PPARA: variants seen among roughly 807,000 people sequenced by gnomAD.
PPARA encodes the protein peroxisome proliferator activated receptor alpha, also known as peroxisome proliferator-activated receptor alpha.
Under a neutral mutation model 42.2 loss-of-function variants are expected in PPARA, and 22 were observed. The observed-to-expected ratio is 0.52, with a 90% confidence interval of 0.37 to 0.74. The LOEUF is 0.74. PPARA is among the 30% of genes least tolerant of loss of function. The pLI, the probability that PPARA is intolerant of heterozygous loss-of-function variation, is 0.00. For synonymous variants in PPARA, 242 were observed against 239.3 expected (o/e 1.01, Z -0.10); for missense variants, 465 against 608.2 (o/e 0.76, Z 2.48).
chr22:46,208,958 G>A (rs5767634), intron 4 of PPARA, among the ~76,000 whole-genome samples: 37,417 of 151,242 alleles, frequency 0.25, 4,663 homozygotes, highest in Middle Eastern at 0.31. Flanking sequence ...TTATCTCTTC[G>A]TTCATTAATG....
rs549946014 is a variant in PPARA at position 46,200,673 on chromosome 22, T to C, written c.208+2082T>C. ...GCTCACGCCTGTAATCCCAACACTT[T>C]GGGAGGCTGAGGCAGGCGGATCACC... On this transcript the variant is annotated intron_variant, in intron 4 of 8. Transcript: ENST00000407236. The surrounding 1 kb of genome is among the most constrained non-coding windows in gnomAD (Gnocchi z 4.8). Among the ~76,000 whole-genome samples the C allele has an allele frequency of 4.6e-5, 7 of 152,362 alleles. No homozygotes were observed. The highest frequency in any genetic ancestry group is 1.4e-4 in the African/African-American group (6 of 41,594).
In PPARA at chr22:46,180,005, G is replaced by A. The variant is rs1282498993; in HGVS notation, c.-43+3169G>A. Among the ~76,000 whole-genome samples, 1 of 152,190 alleles carries A rather than the reference G, an allele frequency of 6.6e-6. No homozygotes were observed. Among genetic ancestry groups the A allele is most frequent in the African/African-American group, 2.4e-5 (1 of 41,456 alleles). ...CAGAGCAATGCAGATGAAACCTACA[G>A]TCCCCATGCTAATGTTCTACAACTT... On this transcript the variant is annotated intron_variant, in intron 3 of 8. Transcript: ENST00000407236. This position sits in a 1 kb window ranked among gnomAD's most constrained non-coding sequence, Gnocchi z 4.2.
At chr22:46,209,587 A>T (rs1933723343) in intron 4 of PPARA, among the ~76,000 whole-genome samples, 1 of 152,040 alleles carries the variant, frequency 6.6e-6, no homozygotes, top group Non-Finnish European at 1.5e-5. Flanking sequence ...GCAATATCTA[A>T]TCTGCTCCTA....
At chr22:46,207,614 CCTA>C (rs1410100414) in intron 4 of PPARA, among the ~76,000 whole-genome samples, 2 of 138,408 alleles carry the variant, frequency 1.4e-5, no homozygotes, top group African/African-American at 2.6e-5. Flanking sequence ...TTAAGATGTT[CCTA>C]CTATCTTCTT....
chr22:46,226,946 G>A (rs1011832406), intron 7 of PPARA, among the ~76,000 whole-genome samples: 5 of 152,114 alleles, frequency 3.3e-5, no homozygotes, highest in African/African-American at 1.2e-4. Flanking sequence ...TTTAAGACCA[G>A]TTTTGAAAGA....
chr22:46,201,165 A>G (rs1185378268), intron 4 of PPARA, among the ~76,000 whole-genome samples: 3 of 151,008 alleles, frequency 2.0e-5, no homozygotes, highest in African/African-American at 2.4e-5. Flanking sequence ...GCCACGGTTC[A>G]TACAGCCAGA....
At position 46,235,019 on chromosome 22, in the gene PPARA, T is replaced by G. The variant is rs1209679329; in HGVS notation, c.1160-114T>G. On this transcript the variant is annotated intron_variant, in intron 8 of 8. Transcript: ENST00000407236. This position sits in a 1 kb window ranked among gnomAD's most constrained non-coding sequence, Gnocchi z 7.0. The stretch of plus-strand genomic sequence containing the variant: ...CAAGTTGACAATATCTAAAGGCAGC[T>G]CAGTTTTTTTCTAAGAAAGGCCACA... 1 of 1,438,382 alleles carries G rather than the reference T, an allele frequency of 7.0e-7. No homozygotes were observed. Among genetic ancestry groups the G allele is most frequent in the Non-Finnish European group, 9.7e-7 (1 of 1,025,676 alleles). The allele number at this position is 1,438,382 out of a possible 1,614,324, so 89.1% of individuals were successfully genotyped here.
rs1249243557 is a variant in PPARA, at chr22:46,183,419, A to G, written c.-43+6583A>G. ...TCTACTCAACACAGATAAACTGGGAAAGAAAAATAACTTGTGAGTAATTCA... is the reference window on the plus strand; with the variant it reads ...TCTACTCAACACAGATAAACTGGGAGAGAAAAATAACTTGTGAGTAATTCA... On this transcript the variant is annotated intron_variant, in intron 3 of 8. Transcript: ENST00000407236. The surrounding 1 kb of genome is among the most constrained non-coding windows in gnomAD (Gnocchi z 5.5). Among the ~76,000 whole-genome samples, 1 of 152,254 alleles carries G rather than the reference A, an allele frequency of 6.6e-6. No homozygotes were observed. Among genetic ancestry groups the G allele is most frequent in the African/African-American group, 2.4e-5 (1 of 41,474 alleles).
At chr22:46,205,079 G>C (rs745609004) in intron 4 of PPARA, among the ~76,000 whole-genome samples, 2 of 151,702 alleles carry the variant, frequency 1.3e-5, no homozygotes, top group Admixed American at 1.3e-4. Context: ...GCCAGGGGTG[G>C]TCTTGAACTC....
At chr22:46,151,541 T>C (rs1020423075) in intron 1 of PPARA, among the ~76,000 whole-genome samples, 2 of 152,246 alleles carry the variant, frequency 1.3e-5, no homozygotes, top group East Asian at 3.9e-4. Context: ...TTTTAAAAGT[T>C]AAAAGAGAGG....
intron 7 of PPARA, among the ~76,000 whole-genome samples, chr22:46,229,106 C>CAA (rs533415499): frequency 7.7e-6 from 1 of 129,480 alleles, no homozygotes; most frequent in Non-Finnish European, 1.7e-5. Flanking sequence ...GACTCCATCT[C>CAA]AAAAAAAAAA....
chr22:46,223,531 T>C (rs985634684), intron 7 of PPARA, among the ~76,000 whole-genome samples: 2 of 150,712 alleles, frequency 1.3e-5, no homozygotes, highest in Non-Finnish European at 2.9e-5. Flanking sequence ...TAATCCCAAC[T>C]ACCCAGGAGG....
At position 46,167,781 on chromosome 22, in the gene PPARA, A is replaced by G. The variant is rs1172055770; in HGVS notation, c.-126-8972A>G. The stretch of plus-strand genomic sequence containing the variant: ...AACTAGGCCAGGTATGCTGGCTTAC[A>G]CCTGTCATTCCAATGCTTTGGGGGA... On this transcript the variant is annotated intron_variant, in intron 2 of 8. Coordinates refer to ENST00000407236, the MANE Select transcript of PPARA (RefSeq NM_005036.6). The surrounding 1 kb of genome is among the most constrained non-coding windows in gnomAD (Gnocchi z 4.1). 6.6e-6 allele frequency among the ~76,000 whole-genome samples: 1 copy of G among 152,106 alleles called. No homozygotes were observed. The highest frequency in any genetic ancestry group is 1.5e-5 in the Non-Finnish European group (1 of 68,020).
In PPARA at chr22:46,242,400, T is replaced by C. The variant is rs915418250; in HGVS notation, c.*7020T>C. 2.0e-5 allele frequency: 3 copies of C among 152,678 alleles called. No individual in the cohort carries two copies. Among genetic ancestry groups the C allele is most frequent in the Non-Finnish European group, 2.9e-5 (2 of 68,042 alleles). The allele number at this position is 152,678 out of a possible 1,614,324, so 9.5% of individuals were successfully genotyped here. On this transcript the variant is annotated 3_prime_UTR_variant, in exon 9 of 9. Transcript: ENST00000407236. The surrounding 1 kb of genome is among the most constrained non-coding windows in gnomAD (Gnocchi z 6.1). ...TTTTTAAGGCACAGTCAGTTCCTTT[T>C]CTCATGTACCTCACAAAAGATGAAG...
At chr22:46,228,162 G>T (rs1002730434) in intron 7 of PPARA, among the ~76,000 whole-genome samples, 1 of 152,200 alleles carries the variant, frequency 6.6e-6, no homozygotes, top group Non-Finnish European at 1.5e-5. Context: ...GCTGTTTAAC[G>T]ATGCCCCCAG....
At position 46,219,999 on chromosome 22, in the gene PPARA, G is replaced by A. The variant is rs774617913; in HGVS notation, c.696G>A (p.Lys232=). Residue 232 remains lysine (K), a synonymous_variant, in exon 7 of 9, where the codon AAG becomes AAA. Transcript: ENST00000407236. The surrounding 1 kb of genome is among the most constrained non-coding windows in gnomAD (Gnocchi z 4.8). ...KVKARVILSG[K]ASNNPPFVIH... ...AAGCCCGGGTCATCCTCTCAGGAAA[G>A]GCCAGTAACAATCCAGTAGGTGTTT... 2 of 1,613,990 alleles carry A rather than the reference G, an allele frequency of 1.2e-6. No homozygotes were observed. The highest frequency in any genetic ancestry group is 1.3e-5 in the African/African-American group (1 of 74,944).
chr22:46,177,226 A>G (rs916616869), intron 3 of PPARA, among the ~76,000 whole-genome samples: 7 of 151,962 alleles, frequency 4.6e-5, no homozygotes, highest in African/African-American at 1.7e-4. Flanking sequence ...ATAAAATAAA[A>G]TAAAATAAAA....
chr22:46,181,593 C>T (rs11703746), intron 3 of PPARA, among the ~76,000 whole-genome samples: 8,552 of 152,160 alleles, frequency 0.056, 269 homozygotes, highest in Middle Eastern at 0.11. Context: ...AGTTGTCCCC[C>T]CCAAAGATTG....
rs1415074563 is a variant in PPARA at position 46,184,391 on chromosome 22, G to A, written c.-43+7555G>A. 1.3e-5 allele frequency among the ~76,000 whole-genome samples: 2 copies of A among 152,172 alleles called. No homozygotes were observed. The highest frequency in any genetic ancestry group is 4.8e-5 in the African/African-American group (2 of 41,440). On this transcript the variant is annotated intron_variant, in intron 3 of 8. Transcript: ENST00000407236. The surrounding 1 kb of genome is among the most constrained non-coding windows in gnomAD (Gnocchi z 4.4). ...GAGACAGAGTCCAGAATCTCAGAGAGAGACACAGTTACCTTTTAGTTACAC... is the reference window on the plus strand; with the variant it reads ...GAGACAGAGTCCAGAATCTCAGAGAAAGACACAGTTACCTTTTAGTTACAC...
Sources: allele counts gnomAD v4.1 joint callset (sites outside exome capture counted in the v4.1 genomes callset), GRCh38; gene constraint gnomAD v4.1.1; non-coding constraint Gnocchi (gnomAD v3.1); transcripts MANE v1.5; gene names NCBI Gene and HGNC (gene_info 2026-07-23, HGNC 2026-07-21).